The following TMTC2 variants were observed in gnomAD, a reference collection of about 807,000 sequenced individuals.
TMTC2 encodes the protein protein O-mannosyl-transferase TMTC2.
Under a neutral mutation model 82.4 loss-of-function variants are expected in TMTC2, and 43 were observed. The observed-to-expected ratio is 0.52, with a 90% CI of 0.41 to 0.67. TMTC2 has a LOEUF of 0.67. Among genes scored for constraint, TMTC2 ranks in the 30% least tolerant of loss-of-function variants. The pLI is 0.00. For missense variants in TMTC2, 919 were observed against 1,012.4 expected, an observed-to-expected ratio of 0.91 and a Z score of 1.25; for synonymous variants, 408 against 381.9, an observed-to-expected ratio of 1.07 and a Z score of -0.80.
At chr12:82,714,416 G>A (rs1248842230) in intron 1 of TMTC2, among the ~76,000 whole-genome samples, 3 of 152,180 alleles carry the variant, frequency 2.0e-5, no homozygotes, top group Non-Finnish European at 2.9e-5. Context: ...GCTCTTAAAT[G>A]TAGTAGAGTG....
At chr12:82,860,857 C>G (rs992128760) in intron 2 of TMTC2, among the ~76,000 whole-genome samples, 9 of 152,128 alleles carry the variant, frequency 5.9e-5, no homozygotes, top group African/African-American at 2.2e-4. Context: ...AAATCTCATG[C>G]TTGTGAAGCT....
At chr12:82,761,689 T>C (rs1166926107) in intron 1 of TMTC2, among the ~76,000 whole-genome samples, 1 of 152,134 alleles carries the variant, frequency 6.6e-6, no homozygotes, top group Non-Finnish European at 1.5e-5. Flanking sequence ...AGTGACCTCT[T>C]TATTTCCAGG....
At chr12:82,856,959 T>G in intron 1 of TMTC2, 51 bp from the exon 2 acceptor site, 1 of 1,511,752 alleles carries the variant, frequency 6.6e-7, no homozygotes, top group Non-Finnish European at 8.9e-7. Flanking sequence ...TCATATTTTT[T>G]CTTTCTTTCT....
At chr12:82,927,317 C>T (rs549944289) in intron 3 of TMTC2, among the ~76,000 whole-genome samples, 1 of 152,168 alleles carries the variant, frequency 6.6e-6, no homozygotes, top group Admixed American at 6.5e-5. Flanking sequence ...CTGCAGAGGT[C>T]GTGGAGAGAG....
intron 9 of TMTC2, among the ~76,000 whole-genome samples, chr12:83,048,227 A>G (rs1882215248): frequency 6.6e-6 from 1 of 152,176 alleles, no homozygotes; most frequent in Admixed American, 6.5e-5. Context: ...ATGAAGCTAT[A>G]TATGAGGAGA....
intron 7 of TMTC2, among the ~76,000 whole-genome samples, chr12:82,970,580 G>A (rs1396538577): frequency 1.3e-5 from 2 of 151,862 alleles, no homozygotes; most frequent in Admixed American, 6.6e-5. Flanking sequence ...TGATCCACCC[G>A]CCTCGGCCTC....
intron 1 of TMTC2, among the ~76,000 whole-genome samples, chr12:82,854,783 A>G (rs1172404256): frequency 6.6e-6 from 1 of 152,198 alleles, no homozygotes; most frequent in Non-Finnish European, 1.5e-5. Flanking sequence ...TCTTATTAGT[A>G]GATAATATAT....
chr12:82,977,315 G>A (rs1003978194), intron 7 of TMTC2, among the ~76,000 whole-genome samples: 5 of 151,778 alleles, frequency 3.3e-5, no homozygotes, highest in African/African-American at 1.2e-4. Flanking sequence ...GAATAATAAA[G>A]TTTAAGACTT....
At chr12:82,828,283 G>A (rs907736815) in intron 1 of TMTC2, among the ~76,000 whole-genome samples, 2 of 145,382 alleles carry the variant, frequency 1.4e-5, no homozygotes, top group African/African-American at 2.6e-5. Context: ...GCGTGATCTC[G>A]GCTCACTGCA....
At chr12:83,020,764 G>A (rs1774253314) in intron 8 of TMTC2, among the ~76,000 whole-genome samples, 1 of 152,166 alleles carries the variant, frequency 6.6e-6, no homozygotes. Context: ...GTATGTGTGG[G>A]TGACTCCTTT....
intron 1 of TMTC2, among the ~76,000 whole-genome samples, chr12:82,692,868 C>A (rs532039941): frequency 6.6e-6 from 1 of 152,084 alleles, no homozygotes; most frequent in African/African-American, 2.4e-5. Flanking sequence ...TTCTTTTTTT[C>A]ATTGGGTGAA....
intron 7 of TMTC2, among the ~76,000 whole-genome samples, chr12:82,985,021 A>G (rs1879094130): frequency 6.6e-6 from 1 of 152,012 alleles, no homozygotes; most frequent in Non-Finnish European, 1.5e-5. Context: ...AAATTTATTT[A>G]GTTAATTTTA....
chr12:83,089,844 AAAC>A (rs1448375548), intron 11 of TMTC2, among the ~76,000 whole-genome samples: 5 of 143,910 alleles, frequency 3.5e-5, no homozygotes, highest in Non-Finnish European at 5.9e-5. Context: ...AAAAAACAAA[AAAC>A]AAAAAAAAAA....
At chr12:83,095,921 C>G (rs1381537676) in intron 11 of TMTC2, among the ~76,000 whole-genome samples, 2 of 152,222 alleles carry the variant, frequency 1.3e-5, no homozygotes, top group African/African-American at 4.8e-5. Context: ...AAGACTGCTT[C>G]TAGATCTGAA....
chr12:83,114,140 A>G (rs1884683296), intron 11 of TMTC2, among the ~76,000 whole-genome samples: 1 of 152,166 alleles, frequency 6.6e-6, no homozygotes, highest in African/African-American at 2.4e-5. Flanking sequence ...TTCCTCCAGA[A>G]TTCATACACT....
At chr12:83,105,312 C>A (rs1884358047) in intron 11 of TMTC2, among the ~76,000 whole-genome samples, 1 of 152,148 alleles carries the variant, frequency 6.6e-6, no homozygotes, top group Admixed American at 6.5e-5. Context: ...ACCTTTATAG[C>A]AGTGCCCCAT....
At chr12:82,841,328 A>G (rs938360253) in intron 1 of TMTC2, among the ~76,000 whole-genome samples, 18 of 152,190 alleles carry the variant, frequency 1.2e-4, no homozygotes, top group Non-Finnish European at 2.5e-4. Context: ...ACTACAGTAT[A>G]TATTAGGATG....
intron 8 of TMTC2, among the ~76,000 whole-genome samples, chr12:83,000,221 A>G (rs1879856602): frequency 6.6e-6 from 1 of 151,628 alleles, no homozygotes; most frequent in African/African-American, 2.4e-5. Context: ...TGCAACCTCC[A>G]CCTCCCTAGT....
intron 11 of TMTC2, among the ~76,000 whole-genome samples, chr12:83,117,246 G>A (rs1041080551): frequency 6.6e-6 from 1 of 152,094 alleles, no homozygotes; most frequent in Non-Finnish European, 1.5e-5. Context: ...TAGAGAAAGA[G>A]GGAACCCTCC....
Sources: allele counts gnomAD v4.1 joint callset (sites outside exome capture counted in the v4.1 genomes callset), GRCh38; gene constraint gnomAD v4.1.1; transcripts MANE v1.5; gene names NCBI Gene and HGNC (gene_info 2026-07-23, HGNC 2026-07-21).